The following VDAC1 variants were observed in gnomAD, a reference collection of about 807,000 sequenced individuals.
VDAC1 encodes the protein non-selective voltage-gated ion channel VDAC1.
VDAC1 carries 10 observed loss-of-function variants against 34.7 expected under a neutral mutation model. That is an observed-to-expected ratio of 0.29 (90% CI 0.18 to 0.49). VDAC1 has a LOEUF of 0.49. Among genes scored for constraint, VDAC1 ranks in the 20% least tolerant of loss-of-function variants. The probability of loss-of-function intolerance (pLI) is 0.99; values close to 1 mark genes in which losing one functional copy is unlikely to be tolerated. For missense variants in VDAC1, 230 were observed against 347.9 expected, an observed-to-expected ratio of 0.66 and a Z score of 2.69; for synonymous variants, 130 against 136.0, an observed-to-expected ratio of 0.96 and a Z score of 0.30.
At chr5:134,017,757 C>CA in the VDAC1 span, among the ~76,000 whole-genome samples, 1 of 151,184 alleles carries the variant, frequency 6.6e-6, no homozygotes, top group Non-Finnish European at 1.5e-5. Flanking sequence ...ACTAAAAATA[C>CA]AAAAAATTAG....
intron 1 of VDAC1, among the ~76,000 whole-genome samples, chr5:134,000,291 G>A (rs963665154): frequency 2.0e-5 from 3 of 152,102 alleles, no homozygotes; most frequent in South Asian, 2.1e-4. Context: ...CAACAGTCTC[G>A]CAGTGGGCAG....
chr5:134,033,181 G>A, the VDAC1 span, among the ~76,000 whole-genome samples: 33 of 141,876 alleles, frequency 2.3e-4, no homozygotes, highest in Admixed American at 2.1e-3. Flanking sequence ...TTTTTGAGAC[G>A]GCGTCTGGCT....
chr5:134,087,878 G>A, the VDAC1 span, among the ~76,000 whole-genome samples: 2 of 149,624 alleles, frequency 1.3e-5, no homozygotes, highest in East Asian at 4.0e-4. Flanking sequence ...AGCAGGGCAC[G>A]TTGGTTCACG....
At chr5:134,114,387 A>AC in the VDAC1 span, among the ~76,000 whole-genome samples, 4 of 151,776 alleles carry the variant, frequency 2.6e-5, no homozygotes, top group East Asian at 1.9e-4. Flanking sequence ...GGCCTAGGGG[A>AC]CCCCCGCCCT....
the VDAC1 span, among the ~76,000 whole-genome samples, chr5:134,111,887 T>C: frequency 2.6e-5 from 4 of 152,198 alleles, no homozygotes; most frequent in African/African-American, 9.7e-5. Context: ...GGTGACTTCA[T>C]CTCTCTGAGC....
the VDAC1 span, among the ~76,000 whole-genome samples, chr5:134,068,748 T>A: frequency 3.9e-5 from 6 of 152,240 alleles, no homozygotes; most frequent in Admixed American, 2.6e-4. Flanking sequence ...TTCTGGAAAA[T>A]TATTAGCTGT....
the VDAC1 span, among the ~76,000 whole-genome samples, chr5:134,020,642 C>T: frequency 6.7e-6 from 1 of 148,360 alleles, no homozygotes; most frequent in Admixed American, 6.7e-5. Flanking sequence ...GATTATGGAA[C>T]AGGCTTCTTT....
At chr5:134,028,550 C>G in the VDAC1 span, among the ~76,000 whole-genome samples, 1 of 152,202 alleles carries the variant, frequency 6.6e-6, no homozygotes, top group Non-Finnish European at 1.5e-5. Flanking sequence ...AAATGGTTCT[C>G]TAACTGTTGT....
chr5:133,983,645 G>A (rs146946275), intron 5 of VDAC1, among the ~76,000 whole-genome samples: 94 of 152,270 alleles, frequency 6.2e-4, no homozygotes, highest in African/African-American at 2.1e-3. Flanking sequence ...CCCAAGTGAT[G>A]TAGGAAAATA....
chr5:134,078,592 A>G, the VDAC1 span, among the ~76,000 whole-genome samples: 1 of 150,774 alleles, frequency 6.6e-6, no homozygotes, highest in Non-Finnish European at 1.5e-5. Flanking sequence ...GCCACATAGC[A>G]GGTGTGCAAG....
chr5:133,992,774 G>T (rs1036256206), intron 2 of VDAC1, among the ~76,000 whole-genome samples, 172 bp downstream of exon 2: 7 of 152,260 alleles, frequency 4.6e-5, no homozygotes, highest in African/African-American at 1.7e-4. Flanking sequence ...GTCCAACTGG[G>T]TGCACAACCA....
At chr5:134,030,060 G>A in the VDAC1 span, among the ~76,000 whole-genome samples, 1 of 152,124 alleles carries the variant, frequency 6.6e-6, no homozygotes, top group Non-Finnish European at 1.5e-5. Context: ...AAGGAAAAAG[G>A]CCGGGCACGG....
At chr5:134,003,909 C>A (rs544059200) in intron 1 of VDAC1, among the ~76,000 whole-genome samples, 1 of 152,354 alleles carries the variant, frequency 6.6e-6, no homozygotes, top group East Asian at 1.9e-4. Context: ...CCAGAATGCA[C>A]CGCCGCATTT....
At chr5:134,051,178 T>C in the VDAC1 span, among the ~76,000 whole-genome samples, 2 of 152,190 alleles carry the variant, frequency 1.3e-5, no homozygotes, top group Non-Finnish European at 2.9e-5. Flanking sequence ...GACAGTGAGA[T>C]GGAGAAGGAG....
chr5:134,069,082 C>A, the VDAC1 span, among the ~76,000 whole-genome samples: 1 of 150,538 alleles, frequency 6.6e-6, no homozygotes, highest in Admixed American at 6.6e-5. Context: ...AGCAAGACTC[C>A]CACCCACACA....
the VDAC1 span, among the ~76,000 whole-genome samples, chr5:134,099,662 C>T: frequency 2.6e-5 from 4 of 152,218 alleles, no homozygotes; most frequent in African/African-American, 9.6e-5. Flanking sequence ...CACGCAGCAG[C>T]GTTGACCTCT....
the VDAC1 span, among the ~76,000 whole-genome samples, chr5:134,060,511 T>A: frequency 6.6e-6 from 1 of 151,952 alleles, no homozygotes; most frequent in Non-Finnish European, 1.5e-5. Flanking sequence ...ATATTTTGCC[T>A]TTTTTAAAAT....
chr5:134,033,603 T>C, the VDAC1 span, among the ~76,000 whole-genome samples: 1 of 151,104 alleles, frequency 6.6e-6, no homozygotes, highest in Non-Finnish European at 1.5e-5. Context: ...ACTATGGCAG[T>C]ATTTCACGTA....
the VDAC1 span, among the ~76,000 whole-genome samples, chr5:134,048,117 A>G: frequency 3.3e-5 from 5 of 152,000 alleles, no homozygotes; most frequent in East Asian, 9.7e-4. Context: ...ACAGGTGCCC[A>G]CCACCATGCC....
Sources: gnomAD v4.1 joint callset for allele counts (sites outside exome capture counted in the v4.1 genomes callset) on GRCh38, gnomAD v4.1.1 for gene constraint, MANE v1.5 for transcripts, NCBI Gene and HGNC (gene_info 2026-07-23, HGNC 2026-07-21) for gene names.